The following HPSE2 variants were observed in gnomAD, a reference collection of about 807,000 sequenced individuals.
The protein encoded by HPSE2 is heparanase 2 (inactive), also known as inactive heparanase-2.
HPSE2 carries 38 observed loss-of-function variants against 60.5 expected under a neutral mutation model. The observed-to-expected ratio is 0.63, with a 90% confidence interval of 0.48 to 0.82. The LOEUF is 0.82. Ranked by LOEUF, HPSE2 falls within the 40% of genes least tolerant of loss-of-function variation. The pLI, the probability that HPSE2 is intolerant of heterozygous loss-of-function variation, is 0.00. For synonymous variants in HPSE2, 295 were observed against 293.2 expected (o/e 1.01, Z -0.06); for missense variants, 713 against 740.4 (o/e 0.96, Z 0.43).
At position 98,559,362 on chromosome 10, in the gene HPSE2, C is replaced by T. The variant is rs114407135; in HGVS notation, c.1320+55542G>A. 1.7e-3 allele frequency among the ~76,000 whole-genome samples: 253 copies of T among 152,206 alleles called. 1 individual carries two copies. The highest frequency in any genetic ancestry group is 5.9e-3 in the African/African-American group (246 of 41,536). On this transcript the variant is annotated intron_variant, in intron 9 of 11. Coordinates refer to ENST00000370552, the MANE Select transcript of HPSE2 (RefSeq NM_021828.5). ...GGTTCTTTAACTCAGTTCTGAGTCC[C>T]CAGGATAGAGCTCACTTTTTGCCCT...
chr10:98,638,942 A>G (rs1946568521), intron 7 of HPSE2, among the ~76,000 whole-genome samples: 1 of 152,226 alleles, frequency 6.6e-6, no homozygotes. Flanking sequence ...ACTGTGGAAG[A>G]TCATATTTTC....
intron 9 of HPSE2, among the ~76,000 whole-genome samples, chr10:98,545,141 C>G (rs1564956071): frequency 6.6e-6 from 1 of 152,162 alleles, no homozygotes; most frequent in Non-Finnish European, 1.5e-5. Flanking sequence ...ATAACAGGAT[C>G]TGAAATTGTG....
intron 3 of HPSE2, among the ~76,000 whole-genome samples, chr10:98,965,406 T>C (rs1955787843): frequency 6.7e-6 from 1 of 149,914 alleles, no homozygotes; most frequent in East Asian, 2.0e-4. Context: ...AATAAGGATG[T>C]TTTCAAATAG....
intron 3 of HPSE2, among the ~76,000 whole-genome samples, chr10:99,087,677 C>T (rs564279092): frequency 6.6e-6 from 1 of 152,160 alleles, no homozygotes; most frequent in South Asian, 2.1e-4. Context: ...CCTGTAAGTC[C>T]CTGGGTCCAC....
intron 3 of HPSE2, among the ~76,000 whole-genome samples, chr10:99,076,307 A>G (rs1041381990): frequency 3.3e-5 from 5 of 152,170 alleles, no homozygotes; most frequent in Non-Finnish European, 7.3e-5. Context: ...TTGATTGCAG[A>G]AAAACCTGTA....
chr10:99,133,093 G>A (rs112175757), intron 3 of HPSE2, among the ~76,000 whole-genome samples: 25,034 of 152,184 alleles, frequency 0.16, 2,412 homozygotes, highest in Admixed American at 0.24. Flanking sequence ...TTGAGTAGGC[G>A]GTTTTATGCT....
chr10:99,276,088 T>C, the HPSE2 span, among the ~76,000 whole-genome samples: 1 of 152,256 alleles, frequency 6.6e-6, no homozygotes, highest in Non-Finnish European at 1.5e-5. Context: ...ATTCCTTTTA[T>C]CACACATAGT....
intron 9 of HPSE2, among the ~76,000 whole-genome samples, chr10:98,527,891 G>T (rs1943016968): frequency 6.6e-6 from 1 of 152,066 alleles, no homozygotes; most frequent in Admixed American, 6.6e-5. Context: ...CATTCCTAGG[G>T]GGGATATCTA....
intron 3 of HPSE2, among the ~76,000 whole-genome samples, chr10:98,874,172 G>GT (rs59429630): frequency 0.19 from 26,931 of 144,500 alleles, 2,897 homozygotes; most frequent in East Asian, 0.31. Context: ...TCACTCTGAT[G>GT]TTTTTTTTTT....
chr10:98,459,598 A>G lies in HPSE2; in HGVS notation c.1755T>C (p.Asn585=), dbSNP rs774340851. 2 of 1,614,032 alleles carry G rather than the reference A, an allele frequency of 1.2e-6. No individual in the cohort carries two copies. The highest frequency in any genetic ancestry group is 1.7e-6 in the Non-Finnish European group (2 of 1,180,020). ...TMGFYVVKNV[N]ALACRYR ...CTTATCGGTAGCGGCAGGCCAAAGC[A>G]TTGACATTCTTGACCACATAAAAGC... is the stretch of plus-strand genomic sequence containing the variant. Residue 585 remains asparagine, a synonymous_variant, in exon 12 of 12, where the codon AAT becomes AAC. Coordinates refer to ENST00000370552, the MANE Select transcript of HPSE2 (RefSeq NM_021828.5).
intron 8 of HPSE2, among the ~76,000 whole-genome samples, chr10:98,617,523 T>C (rs1199488310): frequency 6.6e-6 from 1 of 152,180 alleles, no homozygotes; most frequent in African/African-American, 2.4e-5. Flanking sequence ...CCTATATGCA[T>C]ATGCAAGATC....
At chr10:98,752,119 A>G (rs1949771747) in intron 3 of HPSE2, among the ~76,000 whole-genome samples, 1 of 152,200 alleles carries the variant, frequency 6.6e-6, no homozygotes, top group South Asian at 2.1e-4. Flanking sequence ...GAGACAAAGA[A>G]CATTTGGATT....
chr10:99,113,796 G>A (rs1844567093), intron 3 of HPSE2, among the ~76,000 whole-genome samples: 1 of 151,512 alleles, frequency 6.6e-6, no homozygotes, highest in Non-Finnish European at 1.5e-5. Context: ...TACAAGTGCA[G>A]TTGTGTTACA....
chr10:98,602,426 T>C lies in HPSE2; in HGVS notation c.1320+12478A>G, dbSNP rs772218530. Among the ~76,000 whole-genome samples the C allele has an allele frequency of 3.3e-5, 5 of 152,326 alleles. No individual in the cohort carries two copies. The South Asian group carries it at 6.2e-4, about 19-fold the overall frequency. On this transcript the variant is annotated intron_variant, in intron 9 of 11. Transcript: ENST00000370552. ...TTCATTTGATTGAGCTGTGAGCAGC[T>C]GTCACACCACTCAAAACTGAAAGTA...
chr10:98,723,282 G>A (rs900360250), intron 4 of HPSE2, among the ~76,000 whole-genome samples: 1 of 152,160 alleles, frequency 6.6e-6, no homozygotes, highest in Non-Finnish European at 1.5e-5. Flanking sequence ...ATTTTTGTAT[G>A]TTGAACCAGC....
chr10:98,941,429 T>G (rs1954997180), intron 3 of HPSE2, among the ~76,000 whole-genome samples: 1 of 137,420 alleles, frequency 7.3e-6, no homozygotes. Context: ...AGCGTTCTTA[T>G]ACACCAATAA....
rs1182874300 is a variant in HPSE2 at position 98,743,876 on chromosome 10, T to C, written c.784+7A>G. On this transcript the variant is annotated splice_region_variant and intron_variant, in intron 4 of 11. Coordinates refer to ENST00000370552, the MANE Select transcript of HPSE2 (RefSeq NM_021828.5). ...GTCAATTCAGAGGAAGTAACATCCTTACTTACCATTACCCAGTTCCCAAGA... is the reference window on the plus strand; with the variant it reads ...GTCAATTCAGAGGAAGTAACATCCTCACTTACCATTACCCAGTTCCCAAGA... 9 of 1,612,484 alleles carry C rather than the reference T, an allele frequency of 5.6e-6. No homozygotes were observed. In the Admixed American group the frequency reaches 1.3e-4, roughly 24 times the overall value.
chr10:98,727,254 A>G (rs1949109920), intron 4 of HPSE2, among the ~76,000 whole-genome samples: 1 of 152,192 alleles, frequency 6.6e-6, no homozygotes, highest in Non-Finnish European at 1.5e-5. Context: ...CATGAAAAAA[A>G]TAGAAAAGTT....
rs531880301 is a variant in HPSE2 at position 98,964,335 on chromosome 10, T to C, written c.610+179903A>G. 5.7e-4 allele frequency among the ~76,000 whole-genome samples: 87 copies of C among 152,306 alleles called. 2 individuals carry two copies. The South Asian group carries it at 0.017, about 30-fold the overall frequency. On this transcript the variant is annotated intron_variant, in intron 3 of 11. Coordinates refer to ENST00000370552, the MANE Select transcript of HPSE2 (RefSeq NM_021828.5). ...CACATATTATAAATAAAGAAGTTTATTAAAAGTGGAATTAAATTGAACTAC... is the reference window on the plus strand; with the variant it reads ...CACATATTATAAATAAAGAAGTTTACTAAAAGTGGAATTAAATTGAACTAC...
Sources: allele counts gnomAD v4.1 joint callset (sites outside exome capture counted in the v4.1 genomes callset), GRCh38; gene constraint gnomAD v4.1.1; transcripts MANE v1.5; gene names NCBI Gene and HGNC (gene_info 2026-07-23, HGNC 2026-07-21).